The following UTS2B variants were observed in gnomAD, a reference collection of about 807,000 sequenced individuals.
UTS2B encodes urotensin-2B.
In UTS2B, 21 loss-of-function variants were observed where a neutral mutation model predicts 19.2. The observed-to-expected ratio is 1.09, with a 90% CI of 0.78 to 1.58. The LOEUF (loss-of-function observed/expected upper bound fraction) is 1.58, where lower values mean the gene tolerates loss of function less well. Ranked by LOEUF, UTS2B falls within the 40% of genes most tolerant of loss-of-function variation. UTS2B has a pLI of 0.00. For synonymous variants in UTS2B, 57 were observed against 50.2 expected (o/e 1.14, Z -0.58); for missense variants, 138 against 130.3 (o/e 1.06, Z -0.29).
chr3:191,272,316 T>G (rs1716114247), intron 8 of UTS2B, among the ~76,000 whole-genome samples: 1 of 152,170 alleles, frequency 6.6e-6, no homozygotes, highest in African/African-American at 2.4e-5. Flanking sequence ...GAAACTGATA[T>G]CATAGGTTTG....
chr3:191,331,477 G>A (rs1262608360), upstream of UTS2B, among the ~76,000 whole-genome samples: 1 of 152,016 alleles, frequency 6.6e-6, no homozygotes, highest in Non-Finnish European at 1.5e-5. Flanking sequence ...ATTTAAATTA[G>A]CTTTCATTTT....
rs565056527 is a variant in UTS2B, at chr3:191,291,831, A to G, written c.-124-9518T>C. Among the ~76,000 whole-genome samples the G allele has an allele frequency of 5.9e-5, 9 of 152,068 alleles. No homozygotes were observed. The South Asian group carries it at 1.5e-3, about 25-fold the overall frequency. On this transcript the variant is annotated intron_variant, in intron 4 of 8. Transcript: ENST00000340524. ...TTTATTTATTTATTTTCGCATGTGG[A>G]TATCTAGTTGTCTCACCACATTTGT...
intron 2 of UTS2B, 103 bp from the exon 3 acceptor site, chr3:191,316,542 C>A (rs1294779737): frequency 6.7e-6 from 1 of 150,354 alleles, no homozygotes; most frequent in Non-Finnish European, 1.5e-5. Flanking sequence ...TCTGACCCCA[C>A]CTACATCCTG....
chr3:191,327,909 T>C (rs1201381496), intron 2 of UTS2B, among the ~76,000 whole-genome samples: 1 of 152,230 alleles, frequency 6.6e-6, no homozygotes, highest in Non-Finnish European at 1.5e-5. Flanking sequence ...TATTCCCACA[T>C]TTAACCTGCT....
the UTS2B span, among the ~76,000 whole-genome samples, chr3:191,337,561 T>G: frequency 1.3e-5 from 2 of 152,040 alleles, no homozygotes; most frequent in African/African-American, 4.8e-5. Context: ...GCCCGGCTGG[T>G]CTCAAACTCC....
chr3:191,277,564 G>A (rs1414426006), intron 6 of UTS2B: 3 of 151,960 alleles, frequency 2.0e-5, no homozygotes, highest in East Asian at 1.9e-4. Flanking sequence ...AGATTCTCTT[G>A]TTCTTCAAAT....
chr3:191,315,015 T>TAA (rs1717408699), intron 3 of UTS2B, among the ~76,000 whole-genome samples: 1 of 146,080 alleles, frequency 6.8e-6, no homozygotes, highest in South Asian at 2.1e-4. Flanking sequence ...ACCCTAGAAT[T>TAA]TTTTTTTTTT....
intron 4 of UTS2B, among the ~76,000 whole-genome samples, chr3:191,288,332 C>T (rs1354853382): frequency 7.9e-5 from 12 of 152,104 alleles, no homozygotes; most frequent in African/African-American, 2.9e-4. Context: ...CAATTTTGGG[C>T]AGAAAAACGC....
At chr3:191,342,155 C>G in the UTS2B span, among the ~76,000 whole-genome samples, 2 of 152,224 alleles carry the variant, frequency 1.3e-5, no homozygotes, top group Admixed American at 1.3e-4. Flanking sequence ...GTTTTCTGTT[C>G]CTAACTTTTG....
intron 5 of UTS2B, among the ~76,000 whole-genome samples, chr3:191,280,670 A>G (rs138986101): frequency 6.6e-6 from 1 of 152,084 alleles, no homozygotes; most frequent in Non-Finnish European, 1.5e-5. Flanking sequence ...TGGCATTCTG[A>G]GGTCAGAGGT....
chr3:191,307,841 T>C (rs1717185628), intron 3 of UTS2B, among the ~76,000 whole-genome samples: 1 of 148,202 alleles, frequency 6.7e-6, no homozygotes, highest in Non-Finnish European at 1.5e-5. Flanking sequence ...TCTTCTCTTT[T>C]TTTTTTTTTT....
chr3:191,319,504 TA>T (rs1199182023), intron 2 of UTS2B, among the ~76,000 whole-genome samples: 1 of 152,160 alleles, frequency 6.6e-6, no homozygotes, highest in Non-Finnish European at 1.5e-5. Context: ...CTTCTCTAAA[TA>T]TTTTAAATTA....
At chr3:191,341,861 C>T in the UTS2B span, among the ~76,000 whole-genome samples, 5 of 152,218 alleles carry the variant, frequency 3.3e-5, no homozygotes, top group Non-Finnish European at 7.3e-5. Flanking sequence ...GGCTGGCTTC[C>T]TCAAGTCTGC....
intron 4 of UTS2B, among the ~76,000 whole-genome samples, chr3:191,296,563 G>A: frequency 6.6e-6 from 1 of 152,012 alleles, no homozygotes; most frequent in Admixed American, 6.6e-5. Flanking sequence ...CACAATTCCT[G>A]GCCCATAATT....
At chr3:191,287,297 C>A (rs1406195697) in intron 4 of UTS2B, among the ~76,000 whole-genome samples, 1 of 152,020 alleles carries the variant, frequency 6.6e-6, no homozygotes, top group Non-Finnish European at 1.5e-5. Context: ...AAAGACATTA[C>A]AAGAACAGAA....
intron 7 of UTS2B, 84 bp downstream of exon 7, chr3:191,276,722 AT>A (rs1716245843): frequency 1.7e-6 from 2 of 1,178,056 alleles, no homozygotes; most frequent in East Asian, 5.2e-5. Flanking sequence ...AGTATTAATA[AT>A]TTATTTTAAA....
chr3:191,342,011 T>C, the UTS2B span, among the ~76,000 whole-genome samples: 3 of 152,250 alleles, frequency 2.0e-5, no homozygotes, highest in Non-Finnish European at 2.9e-5. Context: ...TAAAACTGAT[T>C]TGATTCTAGG....
chr3:191,334,511 T>G (rs1718081518), upstream of UTS2B, among the ~76,000 whole-genome samples: 1 of 152,228 alleles, frequency 6.6e-6, no homozygotes, highest in Non-Finnish European at 1.5e-5. Flanking sequence ...GCCAACTTCC[T>G]TATTTTCCAG....
At chr3:191,325,163 C>T (rs1576938940) in intron 2 of UTS2B, among the ~76,000 whole-genome samples, 1 of 151,994 alleles carries the variant, frequency 6.6e-6, no homozygotes, top group East Asian at 1.9e-4. Context: ...TCTGTGATGA[C>T]AGAGAGTGAG....
Sources: gnomAD v4.1 joint callset for allele counts (sites outside exome capture counted in the v4.1 genomes callset) on GRCh38, gnomAD v4.1.1 for gene constraint, MANE v1.5 for transcripts, NCBI Gene and HGNC (gene_info 2026-07-23, HGNC 2026-07-21) for gene names.